MRTFA: variants seen among roughly 807,000 people sequenced by gnomAD.
The protein encoded by MRTFA is myocardin-related transcription factor A.
Under a neutral mutation model 83.5 loss-of-function variants are expected in MRTFA, and 20 were observed. That is an observed-to-expected ratio of 0.24 (90% CI 0.17 to 0.35). The LOEUF is 0.35. Among genes scored for constraint, MRTFA ranks in the 10% least tolerant of loss-of-function variants. MRTFA has a pLI of 1.00. For synonymous variants in MRTFA, 659 were observed against 541.2 expected (o/e 1.22, Z -3.02); for missense variants, 1,200 against 1,224.7 (o/e 0.98, Z 0.30).
At chr22:40,531,262 CTTTTT>C (rs397868211) in intron 3 of MRTFA, among the ~76,000 whole-genome samples, 6 of 108,110 alleles carry the variant, frequency 5.5e-5, no homozygotes, top group Non-Finnish European at 3.8e-5. Flanking sequence ...TCATACCTGG[CTTTTT>C]TTTTTTTTTT....
At chr22:40,602,326 T>C (rs2056269676) in intron 1 of MRTFA, among the ~76,000 whole-genome samples, 1 of 152,178 alleles carries the variant, frequency 6.6e-6, no homozygotes, top group Non-Finnish European at 1.5e-5. Context: ...AGTACTTCAA[T>C]ACAGGAGTTA....
intron 14 of MRTFA, chr22:40,412,372 T>C (rs2052576875): frequency 6.6e-6 from 1 of 152,418 alleles, no homozygotes; most frequent in South Asian, 2.1e-4. Flanking sequence ...TGCCCTGTGG[T>C]AGAAATGCAA....
intron 3 of MRTFA, among the ~76,000 whole-genome samples, chr22:40,528,595 G>C (rs1047469977): frequency 3.3e-5 from 5 of 151,936 alleles, no homozygotes; most frequent in Non-Finnish European, 5.9e-5. Context: ...AAATCAGCAG[G>C]GCATGGTGGT....
intron 3 of MRTFA, among the ~76,000 whole-genome samples, chr22:40,466,788 T>C (rs938155666): frequency 1.3e-5 from 2 of 152,116 alleles, no homozygotes; most frequent in African/African-American, 2.4e-5. Context: ...AATAGGGCCA[T>C]AGGGATATTA....
At chr22:40,556,076 C>T (rs1255497273) in intron 2 of MRTFA, among the ~76,000 whole-genome samples, 1 of 151,958 alleles carries the variant, frequency 6.6e-6, no homozygotes, top group African/African-American at 2.4e-5. Context: ...AAGAAGTATA[C>T]CAAGACACAA....
At chr22:40,450,149 G>T (rs1378009854) in intron 4 of MRTFA, among the ~76,000 whole-genome samples, 1 of 152,168 alleles carries the variant, frequency 6.6e-6, no homozygotes, top group African/African-American at 2.4e-5. Flanking sequence ...AGAGCACACT[G>T]TACCCACTTT....
At chr22:40,459,822 C>CATATACATATAT (rs1555973786) in intron 4 of MRTFA, among the ~76,000 whole-genome samples, 49 of 68,232 alleles carry the variant, frequency 7.2e-4, no homozygotes, top group African/African-American at 2.6e-3. Context: ...CACACACACA[C>CATATACATATAT]ATATATACAT....
At chr22:40,490,570 G>A (rs1209240174) in intron 3 of MRTFA, among the ~76,000 whole-genome samples, 1 of 150,386 alleles carries the variant, frequency 6.6e-6, no homozygotes, top group Non-Finnish European at 1.5e-5. Context: ...CTGCACTCCA[G>A]CCTGGGCGAC....
chr22:40,549,634 C>T (rs565803235), intron 3 of MRTFA, among the ~76,000 whole-genome samples: 1 of 152,306 alleles, frequency 6.6e-6, no homozygotes, highest in Non-Finnish European at 1.5e-5. Context: ...GCAGTAGTTA[C>T]TAACAGGTGT....
chr22:40,488,678 G>C (rs897960940), intron 3 of MRTFA, among the ~76,000 whole-genome samples: 1 of 151,788 alleles, frequency 6.6e-6, no homozygotes, highest in African/African-American at 2.4e-5. Context: ...CTAAAAATAC[G>C]AAAAATTAGC....
chr22:40,581,556 T>C (rs1450440583), intron 2 of MRTFA, among the ~76,000 whole-genome samples: 3 of 152,184 alleles, frequency 2.0e-5, no homozygotes, highest in Non-Finnish European at 2.9e-5. Context: ...ATCCCATTGT[T>C]TGAGAAAGAG....
At chr22:40,620,423 CTTTTT>C (rs747409456) in intron 1 of MRTFA, among the ~76,000 whole-genome samples, 1 of 94,198 alleles carries the variant, frequency 1.1e-5, no homozygotes, top group Non-Finnish European at 2.0e-5. Flanking sequence ...AACATGCAGT[CTTTTT>C]TTTTTTTTTT....
rs1421812445 is a variant in MRTFA, at chr22:40,502,151, C to T, written c.242-38865G>A. On this transcript the variant is annotated intron_variant, in intron 3 of 14. Coordinates refer to ENST00000355630, the MANE Select transcript of MRTFA (RefSeq NM_020831.6). ...CTCCCGGACGGGGCGGCTGGCCGGG[C>T]GGGGGGCTGACCCCCCCCACCTCCC... 2.8e-3 allele frequency among the ~76,000 whole-genome samples: 353 copies of T among 127,160 alleles called. 1 individual carries two copies. The highest frequency in any genetic ancestry group is 9.5e-3 in the African/African-American group (316 of 33,402). The allele number at this position is 127,160 out of a possible 152,430, so 83.4% of individuals were successfully genotyped here.
At position 40,595,985 on chromosome 22, in the gene MRTFA, C is replaced by T. The variant is rs548843692; in HGVS notation, c.-83-1250G>A. ...TCCTGGGATCACATAATTCTCCCAT[C>T]TCCCTGGCCCTGAAGCCTTTCATAA... is the stretch of plus-strand genomic sequence containing the variant. On this transcript the variant is annotated intron_variant, in intron 1 of 14. Coordinates refer to ENST00000355630, the MANE Select transcript of MRTFA (RefSeq NM_020831.6). Among the ~76,000 whole-genome samples, 17 of 148,198 alleles carry T rather than the reference C, an allele frequency of 1.1e-4. No homozygotes were observed. In the South Asian group the frequency reaches 3.7e-3, roughly 32 times the overall value.
Position 40,527,743 on chromosome 22 carries a change from A to C in MRTFA, c.241+24363T>G, listed in dbSNP as rs369974958. Among the ~76,000 whole-genome samples the C allele has an allele frequency of 2.0e-5, 3 of 149,720 alleles. No homozygotes were observed. The East Asian group carries it at 5.9e-4, about 29-fold the overall frequency. On this transcript the variant is annotated intron_variant, in intron 3 of 14. Transcript: ENST00000355630. ...CACTGCACTCCAGCCTGGGTGACAG[A>C]GCAAGACTCCATCTTAAAAAAAAAA...
chr22:40,418,485 C>G lies in MRTFA; in HGVS notation c.2253G>C (p.Lys751Asn). 4.3e-6 allele frequency: 7 copies of G among 1,612,540 alleles called. No individual in the cohort carries two copies. The highest frequency in any genetic ancestry group is 5.9e-6 in the Non-Finnish European group (7 of 1,179,258). The change falls in exon 12 of 15, where the codon AAG becomes AAC. Residue 751 changes from lysine to asparagine, a missense_variant. Physicochemically the swap from Lys to Asn is moderately conservative, Grantham distance 94 (BLOSUM62 0). Transcript: ENST00000355630. ...TGATGAGGGTGGGAGGTGCAACCCCCTTGATGAGGCTGGGGCCCTGAGGCC... is the reference window on the plus strand; with the variant it reads ...TGATGAGGGTGGGAGGTGCAACCCCGTTGATGAGGCTGGGGCCCTGAGGCC...
intron 4 of MRTFA, among the ~76,000 whole-genome samples, chr22:40,451,975 G>GTTTTTTTTTTTT (rs771103539): frequency 1.2e-5 from 1 of 80,478 alleles, no homozygotes; most frequent in Non-Finnish European, 2.3e-5. Context: ...TTTTTTTTTG[G>GTTTTTTTTTTTT]TTTTTTTTTT....
intron 3 of MRTFA, among the ~76,000 whole-genome samples, chr22:40,542,819 G>T (rs1233043916): frequency 6.6e-6 from 1 of 152,190 alleles, no homozygotes; most frequent in Non-Finnish European, 1.5e-5. Flanking sequence ...ACAGAATTGG[G>T]TCTGTAGTAT....
At chr22:40,421,160 C>T (rs149565326) in intron 9 of MRTFA, 60 bp from the exon 10 acceptor site, 15,027 of 1,497,598 alleles carry the variant, frequency 0.01, 84 homozygotes, top group Admixed American at 0.013. Flanking sequence ...CGGGGTGGGG[C>T]TGGCAACTCT....
Sources: gnomAD v4.1 joint callset for allele counts (sites outside exome capture counted in the v4.1 genomes callset) on GRCh38, gnomAD v4.1.1 for gene constraint, MANE v1.5 for transcripts, NCBI Gene and HGNC (gene_info 2026-07-23, HGNC 2026-07-21) for gene names.